ABCB5: variants seen among roughly 807,000 people sequenced by gnomAD.
ABCB5 encodes ATP-binding cassette sub-family B member 5.
Under a neutral mutation model 144.2 loss-of-function variants are expected in ABCB5, and 155 were observed. The ratio of observed to expected loss-of-function variants is 1.08; its 90% confidence interval spans 0.94 to 1.23. The LOEUF is 1.23. Among genes scored for constraint, ABCB5 ranks in the 50% most tolerant of loss-of-function variants. ABCB5 has a pLI of 0.00. For missense variants in ABCB5, 1,830 were observed against 1,520.8 expected, an observed-to-expected ratio of 1.20 and a Z score of -3.38; for synonymous variants, 610 against 528.6, an observed-to-expected ratio of 1.15 and a Z score of -2.11.
chr7:20,726,280 T>A (rs180886207), intron 21 of ABCB5, among the ~76,000 whole-genome samples: 1 of 152,124 alleles, frequency 6.6e-6, no homozygotes, highest in African/African-American at 2.4e-5. Flanking sequence ...TCCTGTAATG[T>A]TCCTGAGTCC....
intron 2 of ABCB5, among the ~76,000 whole-genome samples, chr7:20,626,299 G>C (rs755655224): frequency 3.1e-4 from 47 of 152,138 alleles, no homozygotes; most frequent in Non-Finnish European, 6.3e-4. Context: ...AATTATTCAA[G>C]AAGATAAAGT....
rs373651350 is a variant in ABCB5 at position 20,745,440 on chromosome 7, T to C, written c.3429+2T>C. On this transcript the variant is annotated splice_donor_variant, in intron 26 of 27. Coordinates refer to ENST00000404938, the MANE Select transcript of ABCB5 (RefSeq NM_001163941.2). LOFTEE classifies it high-confidence loss of function. The stretch of plus-strand genomic sequence containing the variant: ...TCTTTTATTGAAGGTCTCCCTGAGG[T>C]AAGAAAATTTCTGAAATCTTGAATT... The C allele has an allele frequency of 1.5e-5, 25 of 1,613,770 alleles. No homozygotes were observed. Among genetic ancestry groups the C allele is most frequent in the Non-Finnish European group, 2.0e-5 (24 of 1,179,920 alleles).
At chr7:20,690,908 T>C (rs1280764650) in intron 16 of ABCB5, among the ~76,000 whole-genome samples, 2 of 152,106 alleles carry the variant, frequency 1.3e-5, no homozygotes, top group Admixed American at 6.5e-5. Context: ...CCGTGAAGAA[T>C]CACATAAAAT....
chr7:20,727,811 A>G (rs7797329), intron 22 of ABCB5, among the ~76,000 whole-genome samples: 16,194 of 152,278 alleles, frequency 0.11, 970 homozygotes, highest in Non-Finnish European at 0.13. Flanking sequence ...AAATGCACTT[A>G]CACTTTTAAT....
intron 21 of ABCB5, among the ~76,000 whole-genome samples, chr7:20,725,621 C>T (rs1388950552): frequency 1.3e-5 from 2 of 152,166 alleles, no homozygotes; most frequent in East Asian, 1.9e-4. Context: ...AATTAGTTTT[C>T]TTAATGACTA....
intron 20 of ABCB5, among the ~76,000 whole-genome samples, chr7:20,711,133 T>C (rs867994388): frequency 5.8e-5 from 7 of 120,794 alleles, no homozygotes; most frequent in Middle Eastern, 4.5e-3. Context: ...ATATATGTAA[T>C]AAACCCATAC....
rs537755066 is a variant in ABCB5 at position 20,693,530 on chromosome 7, A to C, written c.2011-4877A>C. 1.4e-4 allele frequency among the ~76,000 whole-genome samples: 21 copies of C among 152,304 alleles called. No homozygotes were observed. The South Asian group carries it at 3.5e-3, about 26-fold the overall frequency. On this transcript the variant is annotated intron_variant, in intron 16 of 27. Transcript: ENST00000404938. ...AAATCAAAGGAAAAATCAAAAGAGA[A>C]ACTCAAAAGTGTTTTGAATTGAACA...
rs1352029853 is a variant in ABCB5, at chr7:20,742,963, C to T, written c.3111C>T (p.Ser1037=). The T allele has an allele frequency of 1.2e-6, 2 of 1,614,106 alleles. No individual in the cohort carries two copies. Among genetic ancestry groups the T allele is most frequent in the South Asian group, 2.2e-5 (2 of 91,068 alleles). ...RPDVFILRGL[S]LSIERGKTVA... Reference sequence around the variant, plus strand: ...ATGTTTTCATCCTCCGTGGCTTATCCCTCAGTATTGAGCGAGGAAAGACAG... The same window carrying T: ...ATGTTTTCATCCTCCGTGGCTTATCTCTCAGTATTGAGCGAGGAAAGACAG... The change falls in exon 25 of 28, where the codon TCC becomes TCT. Residue 1037 remains serine (S), a synonymous_variant. Coordinates refer to ENST00000404938, the MANE Select transcript of ABCB5 (RefSeq NM_001163941.2).
intron 14 of ABCB5, among the ~76,000 whole-genome samples, chr7:20,676,621 T>C (rs10281505): frequency 0.81 from 123,919 of 152,178 alleles, 50,883 homozygotes; most frequent in East Asian, 0.98. Context: ...TGCTGTTCAG[T>C]GGGAATAAAA....
intron 14 of ABCB5, among the ~76,000 whole-genome samples, chr7:20,663,713 C>CTTTT (rs34871735): frequency 4.7e-5 from 5 of 107,526 alleles, no homozygotes; most frequent in East Asian, 2.6e-4. Context: ...TTATGTTAGG[C>CTTTT]TTTTTTTTTT....
intron 9 of ABCB5, among the ~76,000 whole-genome samples, chr7:20,646,972 A>G (rs570118381): frequency 6.6e-6 from 1 of 152,212 alleles, no homozygotes; most frequent in Admixed American, 6.5e-5. Context: ...AAGCATCCTC[A>G]TCTATATGAT....
chr7:20,731,272 C>T (rs1328009575), intron 23 of ABCB5, among the ~76,000 whole-genome samples: 1 of 150,728 alleles, frequency 6.6e-6, no homozygotes, highest in East Asian at 2.0e-4. Flanking sequence ...AGAATTGCTT[C>T]AACCCCGGAG....
In ABCB5 at chr7:20,681,621, A is replaced by T; in HGVS notation, c.1824A>T (p.Glu608Asp). Residue 608 changes from glutamate to aspartate, a missense_variant, in exon 15 of 28, where the codon GAA (glutamate) becomes GAT (aspartate). Coordinates refer to ENST00000404938, the MANE Select transcript of ABCB5 (RefSeq NM_001163941.2). ...TGGCGGAGAAAGGAGCACATGCTGAACTAATGGCAAAACGAGGTCTATATT... is the reference window on the plus strand; with the variant it reads ...TGGCGGAGAAAGGAGCACATGCTGATCTAATGGCAAAACGAGGTCTATATT... ...GMLAEKGAHA[E>D]LMAKRGLYYS... The T allele has an allele frequency of 6.2e-7, 1 of 1,614,214 alleles. No homozygotes were observed. The highest frequency in any genetic ancestry group is 8.5e-7 in the Non-Finnish European group (1 of 1,180,038).
intron 20 of ABCB5, among the ~76,000 whole-genome samples, chr7:20,719,490 T>C (rs1339938204): frequency 6.6e-6 from 1 of 152,230 alleles, no homozygotes; most frequent in African/African-American, 2.4e-5. Flanking sequence ...AGAGAAATCG[T>C]ATCCAAAGTA....
Position 20,732,064 on chromosome 7 carries a change from T to C in ABCB5, c.2867+3609T>C, listed in dbSNP as rs191372352. 6.9e-4 allele frequency among the ~76,000 whole-genome samples: 105 copies of C among 152,350 alleles called. 1 individual carries two copies. Among genetic ancestry groups the C allele is most frequent in the African/African-American group, 2.2e-3 (91 of 41,596 alleles). The stretch of plus-strand genomic sequence containing the variant: ...CTTACCATGACCTGAAAGACCTTCA[T>C]GATGGGGCTGCTGCGTTGCTTTCCA... On this transcript the variant is annotated intron_variant, in intron 23 of 27. Transcript: ENST00000404938.
chr7:20,691,908 GC>G (rs1214762861), intron 16 of ABCB5, among the ~76,000 whole-genome samples: 1 of 151,442 alleles, frequency 6.6e-6, no homozygotes, highest in Non-Finnish European at 1.5e-5. Flanking sequence ...CACCAGGCAA[GC>G]AAAAAAGGAG....
chr7:20,737,149 C>G (rs1164584618), intron 23 of ABCB5, among the ~76,000 whole-genome samples: 1 of 151,084 alleles, frequency 6.6e-6, no homozygotes, highest in East Asian at 2.1e-4. Flanking sequence ...CAAAGCAAGA[C>G]TCTGTCTTAA....
At chr7:20,682,971 G>A (rs1312419940) in intron 15 of ABCB5, among the ~76,000 whole-genome samples, 2 of 152,174 alleles carry the variant, frequency 1.3e-5, no homozygotes, top group African/African-American at 2.4e-5. Context: ...CTTTGTTCTC[G>A]CCCAGCTTTC....
intron 5 of ABCB5, among the ~76,000 whole-genome samples, chr7:20,632,625 T>C (rs570252671): frequency 1.2e-4 from 18 of 152,150 alleles, no homozygotes; most frequent in African/African-American, 4.1e-4. Context: ...TGTCCAACAA[T>C]GATAGACTGG....
Sources: gnomAD v4.1 joint callset for allele counts (sites outside exome capture counted in the v4.1 genomes callset) on GRCh38, gnomAD v4.1.1 for gene constraint, MANE v1.5 for transcripts, NCBI Gene and HGNC (gene_info 2026-07-23, HGNC 2026-07-21) for gene names.